Variants in SHLD2 observed in about 807,000 individuals in gnomAD.
The protein encoded by SHLD2 is shieldin complex subunit 2, also known as RINN1-REV7-interacting novel NHEJ regulator 2.
In SHLD2, 30 loss-of-function variants were observed where a neutral mutation model predicts 73.2. That is an observed-to-expected ratio of 0.41 (90% CI 0.31 to 0.56). The LOEUF (loss-of-function observed/expected upper bound fraction) is 0.56, where lower values mean the gene tolerates loss of function less well. SHLD2 is among the 20% of genes least tolerant of loss of function. SHLD2 has a pLI of 0.28. For missense variants in SHLD2, 745 were observed against 1,055.9 expected (o/e 0.71, Z 4.08); for synonymous variants, 285 against 370.1 (o/e 0.77, Z 2.64).
chr10:87,096,872 TA>T (rs1335978361), intron 1 of SHLD2, 61 bp from the exon 2 acceptor site: 39 of 152,380 alleles, frequency 2.6e-4, no homozygotes, highest in Admixed American at 2.3e-3. Flanking sequence ...GTGGAACTTA[TA>T]TTTTACCTTA....
chr10:87,190,442 C>G lies in SHLD2; in HGVS notation c.2516-42C>G, dbSNP rs535646592. ...ATTCAATGTGTGTGCTCCTGTCAAGCTAGCAGCGATCTTGGGAGCTCTGTG... is the reference window on the plus strand; with the variant it reads ...ATTCAATGTGTGTGCTCCTGTCAAGGTAGCAGCGATCTTGGGAGCTCTGTG... On this transcript the variant is annotated intron_variant, in intron 9 of 9. Transcript: ENST00000298786. 6 of 1,510,434 alleles carry G rather than the reference C, an allele frequency of 4.0e-6. No individual in the cohort carries two copies. In the South Asian group the frequency reaches 4.5e-5, roughly 11 times the overall value. The allele number at this position is 1,510,434 out of a possible 1,614,324, so 93.6% of individuals were successfully genotyped here.
chr10:87,094,647 C>A (rs112553328), upstream of SHLD2: 4 of 1,603,304 alleles, frequency 2.5e-6, no homozygotes, highest in South Asian at 4.4e-5. The surrounding 1 kb of genome is among the most constrained non-coding windows in gnomAD (Gnocchi z 6.6). Context: ...GCCCCGGCTG[C>A]GGGGCGGCGG....
chr10:87,171,406 T>G (rs1305385547), intron 6 of SHLD2, among the ~76,000 whole-genome samples: 1 of 152,224 alleles, frequency 6.6e-6, no homozygotes, highest in Non-Finnish European at 1.5e-5. Flanking sequence ...AATTACTGTT[T>G]CATATTTTTA....
intron 2 of SHLD2, among the ~76,000 whole-genome samples, chr10:87,141,332 T>C (rs2134229367): frequency 7.0e-6 from 1 of 142,368 alleles, no homozygotes; most frequent in African/African-American, 2.6e-5. Context: ...ATTCTGGTGT[T>C]CGGTGTTTTT....
At chr10:87,122,718 A>G (rs1843713504) in intron 2 of SHLD2, among the ~76,000 whole-genome samples, 1 of 152,182 alleles carries the variant, frequency 6.6e-6, no homozygotes, top group African/African-American at 2.4e-5. Context: ...TCATTTTGAC[A>G]TGTTTATAAT....
intron 2 of SHLD2, among the ~76,000 whole-genome samples, chr10:87,112,665 T>G (rs1843001988): frequency 6.7e-6 from 1 of 148,420 alleles, no homozygotes; most frequent in Non-Finnish European, 1.5e-5. Context: ...ATAATAATAA[T>G]AGAGATACCA....
chr10:87,118,922 A>G (rs1022684456), intron 2 of SHLD2, among the ~76,000 whole-genome samples: 2 of 152,160 alleles, frequency 1.3e-5, no homozygotes, highest in African/African-American at 4.8e-5. Flanking sequence ...ATTTCTTGAA[A>G]CTTGTTTCTT....
At chr10:87,124,951 C>T (rs1043789958) in intron 2 of SHLD2, among the ~76,000 whole-genome samples, 2 of 152,012 alleles carry the variant, frequency 1.3e-5, no homozygotes, top group East Asian at 1.9e-4. Flanking sequence ...ACTATGTTGG[C>T]AGGCTGGTCT....
chr10:87,167,537 A>G (rs1482571753), intron 4 of SHLD2, among the ~76,000 whole-genome samples: 4 of 152,152 alleles, frequency 2.6e-5, no homozygotes, highest in Non-Finnish European at 5.9e-5. Context: ...CTTATTTCTG[A>G]TCAATATATT....
Position 87,099,160 on chromosome 10 carries a change from C to G in SHLD2, c.-6+2171C>G, listed in dbSNP as rs1297117918. Reference sequence around the variant, plus strand: ...GAAGGGAACATTCAATAGCATTCCACAAAGTCAAATGAGTTTTCTGCCTTA... The same window carrying G: ...GAAGGGAACATTCAATAGCATTCCAGAAAGTCAAATGAGTTTTCTGCCTTA... On this transcript the variant is annotated intron_variant, in intron 2 of 9. Coordinates refer to ENST00000298786, the MANE Select transcript of SHLD2 (RefSeq NM_001330112.2). Among the ~76,000 whole-genome samples, 3 of 152,200 alleles carry G rather than the reference C, an allele frequency of 2.0e-5. No homozygotes were observed. In the East Asian group the frequency reaches 5.8e-4, roughly 29 times the overall value.
At chr10:87,148,510 T>C (rs1845781418) in intron 2 of SHLD2, among the ~76,000 whole-genome samples, 1 of 148,012 alleles carries the variant, frequency 6.8e-6, no homozygotes, top group Non-Finnish European at 1.5e-5. Context: ...GTAGAAGTGG[T>C]TGAAGATTAA....
At chr10:87,127,850 A>T (rs1844146593) in intron 2 of SHLD2, among the ~76,000 whole-genome samples, 1 of 151,662 alleles carries the variant, frequency 6.6e-6, no homozygotes, top group South Asian at 2.1e-4. Flanking sequence ...AAGCACAGAA[A>T]CCCAAGGATT....
intron 7 of SHLD2, among the ~76,000 whole-genome samples, chr10:87,178,017 T>G (rs1848051773): frequency 6.6e-6 from 1 of 151,682 alleles, no homozygotes; most frequent in Admixed American, 6.6e-5. Flanking sequence ...GGGTGGATCA[T>G]TTGAGGTCAG....
At chr10:87,132,238 G>A (rs1844482212) in intron 2 of SHLD2, among the ~76,000 whole-genome samples, 1 of 152,090 alleles carries the variant, frequency 6.6e-6, no homozygotes, top group South Asian at 2.1e-4. Flanking sequence ...CAGAATTGGT[G>A]TCATTTGTGT....
At chr10:87,140,944 G>C (rs1488139153) in intron 2 of SHLD2, among the ~76,000 whole-genome samples, 3 of 151,850 alleles carry the variant, frequency 2.0e-5, no homozygotes, top group Non-Finnish European at 4.4e-5. Context: ...TTCCACCCAG[G>C]GTGATAAAGC....
intron 2 of SHLD2, among the ~76,000 whole-genome samples, chr10:87,145,847 C>A (rs1375626657): frequency 2.0e-5 from 3 of 151,870 alleles, no homozygotes; most frequent in Non-Finnish European, 2.9e-5. Flanking sequence ...GATGTACTTG[C>A]AAGTTTCATC....
intron 2 of SHLD2, among the ~76,000 whole-genome samples, chr10:87,127,525 A>T (rs1473976665): frequency 4.3e-3 from 125 of 28,944 alleles, no homozygotes; most frequent in East Asian, 8.6e-3. Flanking sequence ...TGTCCCTCTT[A>T]CCCGCCCCCC....
chr10:87,158,605 A>C (rs957479855), intron 4 of SHLD2, among the ~76,000 whole-genome samples: 1 of 152,168 alleles, frequency 6.6e-6, no homozygotes, highest in African/African-American at 2.4e-5. Context: ...GTATTCAGAC[A>C]GCTGTGGTTT....
At chr10:87,179,529 G>A (rs2134684577) in intron 7 of SHLD2, among the ~76,000 whole-genome samples, 1 of 152,154 alleles carries the variant, frequency 6.6e-6, no homozygotes, top group East Asian at 1.9e-4. Flanking sequence ...AGCCTCCCGA[G>A]TAGCTAGGAC....
Sources: gnomAD v4.1 joint callset for allele counts (sites outside exome capture counted in the v4.1 genomes callset) on GRCh38, gnomAD v4.1.1 for gene constraint, Gnocchi (gnomAD v3.1) non-coding constraint, MANE v1.5 for transcripts, NCBI Gene and HGNC (gene_info 2026-07-23, HGNC 2026-07-21) for gene names.